Variants in MLLT3 observed in about 807,000 individuals in gnomAD.
MLLT3 encodes MLLT3 super elongation complex subunit.
In MLLT3, 4 loss-of-function variants were observed where a neutral mutation model predicts 53.2. That is an observed-to-expected ratio of 0.08 (90% CI 0.04 to 0.17). The LOEUF is 0.17. Among genes scored for constraint, MLLT3 ranks in the 10% least tolerant of loss-of-function variants. The pLI, the probability that MLLT3 is intolerant of heterozygous loss-of-function variation, is 1.00. For synonymous variants in MLLT3, 283 were observed against 230.6 expected (o/e 1.23, Z -2.06); for missense variants, 569 against 684.0 (o/e 0.83, Z 1.87).
At chr9:20,546,287 AAAAT>A (rs776627081) in intron 2 of MLLT3, among the ~76,000 whole-genome samples, 1 of 152,182 alleles carries the variant, frequency 6.6e-6, no homozygotes, top group African/African-American at 2.4e-5. Context: ...TGCCACTTAA[AAAAT>A]AAATAAATAA....
chr9:20,536,432 G>C (rs775587092), intron 2 of MLLT3, among the ~76,000 whole-genome samples: 1 of 152,080 alleles, frequency 6.6e-6, no homozygotes, highest in African/African-American at 2.4e-5. Context: ...GGCAAAAAGA[G>C]TATACTGGGA....
intron 2 of MLLT3, among the ~76,000 whole-genome samples, chr9:20,479,621 C>T (rs982680644): frequency 1.2e-4 from 18 of 152,172 alleles, no homozygotes; most frequent in African/African-American, 4.3e-4. Flanking sequence ...CCTGAGATTT[C>T]AGGTGAGTCA....
rs1404282422 is a variant in MLLT3 at position 20,448,051 on chromosome 9, AGTTT to A, written c.420+68_420+71del. 31 of 1,481,516 alleles carry A rather than the reference AGTTT, an allele frequency of 2.1e-5. No individual in the cohort carries two copies. Among genetic ancestry groups the A allele is most frequent in the East Asian group, 6.8e-5 (3 of 44,024 alleles). The allele number at this position is 1,481,516 out of a possible 1,614,324, so 91.8% of individuals were successfully genotyped here. ...TATACTTTTTAACACATGAGGAACT[AGTTT>A]GTTTGTTTTTTTTTTTGTTGTTGTT... On this transcript the variant is annotated intron_variant, in intron 4 of 10. Transcript: ENST00000380338. This position sits in a 1 kb window ranked among gnomAD's most constrained non-coding sequence, Gnocchi z 4.0.
At chr9:20,352,710 TAAA>T (rs59397349) in intron 10 of MLLT3, among the ~76,000 whole-genome samples, 59 of 116,762 alleles carry the variant, frequency 5.1e-4, no homozygotes, top group African/African-American at 1.6e-3. Flanking sequence ...CATTAAATGT[TAAA>T]AAAAAAAAAA....
Position 20,620,891 on chromosome 9 carries a change from G to T in MLLT3, c.13-57C>A. On this transcript the variant is annotated intron_variant, in intron 1 of 10. Coordinates refer to ENST00000380338, the MANE Select transcript of MLLT3 (RefSeq NM_004529.4). This position sits in a 1 kb window ranked among gnomAD's most constrained non-coding sequence, Gnocchi z 6.1. ...ATAACAGGAAGGCGAGGTTTCGGCA[G>T]TGAACGTTGCGCCTGACATTTTTTT... 1 of 1,578,866 alleles carries T rather than the reference G, an allele frequency of 6.3e-7. No homozygotes were observed. The highest frequency in any genetic ancestry group is 8.7e-7 in the Non-Finnish European group (1 of 1,150,970).
chr9:20,491,247 T>G (rs186575923), intron 2 of MLLT3, among the ~76,000 whole-genome samples: 3 of 152,300 alleles, frequency 2.0e-5, no homozygotes, highest in Admixed American at 1.3e-4. Context: ...GTTTTAACAT[T>G]AATTTTTTTA....
chr9:20,413,845 T>C lies in MLLT3; in HGVS notation c.1001A>G (p.Lys334Arg), dbSNP rs778303731. The C allele has an allele frequency of 2.5e-6, 4 of 1,614,138 alleles. No individual in the cohort carries two copies. Among genetic ancestry groups the C allele is most frequent in the Admixed American group, 3.3e-5 (2 of 59,964 alleles). Reference protein sequence around the residue: ...KKQIKDKSHVKMGKVKIESET... With the variant: ...KKQIKDKSHVRMGKVKIESET... The stretch of plus-strand genomic sequence containing the variant: ...ACTTTCAATTTTGACCTTTCCCATC[T>C]TGACATGAGATTTATCTTTTATCTG... The change falls in exon 5 of 11, where the codon AAG becomes AGG. Residue 334 changes from lysine (K) to arginine (R), a missense_variant. By Grantham distance (26) the Lys-to-Arg change is conservative. Transcript: ENST00000380338.
rs34212319 is a variant in MLLT3, at chr9:20,573,193, T to G, written c.193+47461A>C. Among the ~76,000 whole-genome samples, 125 of 111,482 alleles carry G rather than the reference T, an allele frequency of 1.1e-3. No homozygotes were observed. In the East Asian group the frequency reaches 0.017, roughly 15 times the overall value. 73.1% of individuals were successfully genotyped at this position (111,482 alleles called of 152,430 possible). A position where few individuals can be genotyped will look rare whatever the true frequency, so the allele number is the denominator to read the frequency against. On this transcript the variant is annotated intron_variant, in intron 2 of 10. Transcript: ENST00000380338. ...TGTTTGTTTTTTTTTGTTTTGTTTT[T>G]TTTTTTTGAGACAGTCTCACTTGGT... is the stretch of plus-strand genomic sequence containing the variant.
At chr9:20,441,748 C>G (rs1823560678) in intron 4 of MLLT3, among the ~76,000 whole-genome samples, 2 of 152,050 alleles carry the variant, frequency 1.3e-5, no homozygotes, top group Admixed American at 1.3e-4. Context: ...ATCCAAAAAT[C>G]CAATGAAGCT....
intron 2 of MLLT3, among the ~76,000 whole-genome samples, chr9:20,541,939 A>G (rs1455635026): frequency 6.6e-6 from 1 of 152,098 alleles, no homozygotes; most frequent in Non-Finnish European, 1.5e-5. Context: ...GTTCATGTTG[A>G]TATTTTGACC....
At chr9:20,391,325 G>A (rs987278272) in intron 5 of MLLT3, among the ~76,000 whole-genome samples, 2 of 152,116 alleles carry the variant, frequency 1.3e-5, no homozygotes, top group Admixed American at 1.3e-4. Flanking sequence ...AAGAAGAGAA[G>A]GAAATGGAAC....
chr9:20,419,470 T>A (rs933225524), intron 4 of MLLT3, among the ~76,000 whole-genome samples: 3 of 147,610 alleles, frequency 2.0e-5, no homozygotes, highest in Non-Finnish European at 3.0e-5. Flanking sequence ...TGGAAAAAAA[T>A]TTTCATAAAC....
intron 2 of MLLT3, among the ~76,000 whole-genome samples, chr9:20,598,817 T>C (rs548717476): frequency 6.6e-6 from 1 of 152,338 alleles, no homozygotes; most frequent in Admixed American, 6.5e-5. Flanking sequence ...TGCTAATCAA[T>C]TTAAGCAAAT....
chr9:20,498,609 T>C (rs1366917587), intron 2 of MLLT3, among the ~76,000 whole-genome samples: 1 of 152,216 alleles, frequency 6.6e-6, no homozygotes, highest in Non-Finnish European at 1.5e-5. Flanking sequence ...TAAACTTTCT[T>C]AAAACATTAT....
At chr9:20,417,188 T>C (rs960163743) in intron 4 of MLLT3, among the ~76,000 whole-genome samples, 16 of 143,858 alleles carry the variant, frequency 1.1e-4, no homozygotes, top group African/African-American at 4.1e-4. Flanking sequence ...TATTTATATA[T>C]ATATATTATA....
At chr9:20,538,465 G>A (rs577778978) in intron 2 of MLLT3, among the ~76,000 whole-genome samples, 2 of 152,180 alleles carry the variant, frequency 1.3e-5, no homozygotes, top group South Asian at 4.1e-4. Context: ...CTTCTTTCCT[G>A]GCTTCCAACC....
chr9:20,400,591 C>A (rs1260753459), intron 5 of MLLT3, among the ~76,000 whole-genome samples: 1 of 151,708 alleles, frequency 6.6e-6, no homozygotes, highest in Non-Finnish European at 1.5e-5. Flanking sequence ...AAAATCATAC[C>A]AGGCTAGGAG....
At chr9:20,398,561 G>A (rs180967485) in intron 5 of MLLT3, among the ~76,000 whole-genome samples, 12 of 152,136 alleles carry the variant, frequency 7.9e-5, no homozygotes, top group Admixed American at 1.3e-4. Flanking sequence ...CATTTTACCC[G>A]TTCCAATAAT....
intron 2 of MLLT3, among the ~76,000 whole-genome samples, chr9:20,583,515 G>T (rs1819862379): frequency 6.6e-6 from 1 of 152,100 alleles, no homozygotes; most frequent in African/African-American, 2.4e-5. Context: ...TCTCCATGAG[G>T]GTCCCACCCC....
Sources: allele counts gnomAD v4.1 joint callset (sites outside exome capture counted in the v4.1 genomes callset), GRCh38; gene constraint gnomAD v4.1.1; non-coding constraint Gnocchi (gnomAD v3.1); transcripts MANE v1.5; gene names NCBI Gene and HGNC (gene_info 2026-07-23, HGNC 2026-07-21).